The following CLSTN1 variants were observed in gnomAD, a reference collection of about 807,000 sequenced individuals.
The protein encoded by CLSTN1 is calsyntenin 1.
In CLSTN1, 28 loss-of-function variants were observed where a neutral mutation model predicts 108.3. The observed-to-expected ratio is 0.26, with a 90% CI of 0.19 to 0.35. The LOEUF (loss-of-function observed/expected upper bound fraction) is 0.35. Among genes scored for constraint, CLSTN1 ranks in the 10% least tolerant of loss-of-function variants. The probability of loss-of-function intolerance (pLI) is 1.00; values close to 1 mark genes in which losing one functional copy is unlikely to be tolerated. For missense variants in CLSTN1, 1,157 were observed against 1,302.6 expected (o/e 0.89, Z 1.72); for synonymous variants, 524 against 534.9 (o/e 0.98, Z 0.28).
intron 1 of CLSTN1, among the ~76,000 whole-genome samples, chr1:9,820,223 C>G (rs1206257667): frequency 1.3e-5 from 2 of 151,984 alleles, no homozygotes; most frequent in Non-Finnish European, 2.9e-5. Context: ...ATCGACACTG[C>G]AGAATTTAAG....
intron 15 of CLSTN1, 99 bp from the exon 16 acceptor site, chr1:9,733,645 G>GGTTAGCTAGGCCAAGGGGTCACACAA: frequency 2.1e-6 from 3 of 1,427,942 alleles, no homozygotes; most frequent in Non-Finnish European, 2.9e-6. Context: ...TAGACACCCA[G>GGTTAGCTAGGCCAAGGGGTCACACAA]GTTAGCTAGG....
intron 4 of CLSTN1, among the ~76,000 whole-genome samples, chr1:9,751,992 C>G (rs1449706150): frequency 6.6e-6 from 1 of 151,254 alleles, no homozygotes; most frequent in African/African-American, 2.4e-5. Context: ...CAATATGGGA[C>G]AAGACAGGCA....
rs537531199 is a variant in CLSTN1, at chr1:9,795,909, C to A, written c.92-22515G>T. Among the ~76,000 whole-genome samples, 10 of 149,906 alleles carry A rather than the reference C, an allele frequency of 6.7e-5. 2 individuals are homozygous for A. The highest frequency in any genetic ancestry group is 3.4e-3 in the Middle Eastern group (1 of 290). ...GGCTGAGGCTGCAGTGAGCGATGATCACACTACTGCACTCCAGCGTGAGCA... is the reference window on the plus strand; with the variant it reads ...GGCTGAGGCTGCAGTGAGCGATGATAACACTACTGCACTCCAGCGTGAGCA... On this transcript the variant is annotated intron_variant, in intron 1 of 18. Coordinates refer to ENST00000377298, the MANE Select transcript of CLSTN1 (RefSeq NM_001009566.3).
chr1:9,756,363 G>T, intron 3 of CLSTN1, 118 bp downstream of exon 3: 2 of 781,338 alleles, frequency 2.6e-6, no homozygotes, highest in Non-Finnish European at 2.2e-6. Flanking sequence ...CAAAGTAGGA[G>T]AATAAATAAG....
rs942776344 is a variant in CLSTN1, at chr1:9,739,711, C to A, written c.1519+1383G>T. ...ATTAAAATAATAACAATAATAAAAA[C>A]CTTGATCTGGTGGGTCTGAGTGTGG... On this transcript the variant is annotated intron_variant, in intron 10 of 18. Coordinates refer to ENST00000377298, the MANE Select transcript of CLSTN1 (RefSeq NM_001009566.3). Among the ~76,000 whole-genome samples the A allele has an allele frequency of 3.9e-5, 6 of 151,982 alleles. No individual in the cohort carries two copies. In the East Asian group the frequency reaches 1.2e-3, roughly 29 times the overall value.
chr1:9,785,469 ATTT>A (rs1404303430), intron 1 of CLSTN1, among the ~76,000 whole-genome samples: 1 of 152,180 alleles, frequency 6.6e-6, no homozygotes, highest in Non-Finnish European at 1.5e-5. Flanking sequence ...CTTAGACATT[ATTT>A]AGATCAGGGT....
chr1:9,745,621 T>C (rs992563244), intron 7 of CLSTN1, among the ~76,000 whole-genome samples: 2 of 151,502 alleles, frequency 1.3e-5, no homozygotes, highest in African/African-American at 4.9e-5. Context: ...TGTGCCACTA[T>C]ACTCCAGCCT....
At chr1:9,742,559 G>T (rs1651036987) in intron 9 of CLSTN1, among the ~76,000 whole-genome samples, 1 of 152,110 alleles carries the variant, frequency 6.6e-6, no homozygotes. Flanking sequence ...TACTATAACA[G>T]AACTGTAGCT....
intron 1 of CLSTN1, among the ~76,000 whole-genome samples, chr1:9,787,972 G>T (rs6666402): frequency 1.6e-4 from 24 of 151,476 alleles, no homozygotes; most frequent in Admixed American, 5.4e-4. Flanking sequence ...ATTTGACTAA[G>T]GGTCCGGCGT....
chr1:9,769,714 A>G (rs1301231811), intron 2 of CLSTN1, among the ~76,000 whole-genome samples: 2 of 152,138 alleles, frequency 1.3e-5, no homozygotes, highest in East Asian at 3.9e-4. Flanking sequence ...GGTTTTTGGA[A>G]CATTCTAAAA....
chr1:9,787,586 G>GT (rs1653556847), intron 1 of CLSTN1, among the ~76,000 whole-genome samples: 1 of 150,728 alleles, frequency 6.6e-6, no homozygotes, highest in African/African-American at 2.4e-5. Context: ...TGTGTTTTTA[G>GT]AGAGACGGGG....
At position 9,743,988 on chromosome 1, in the gene CLSTN1, A is replaced by G; in HGVS notation, c.1252T>C (p.Tyr418His). 1.9e-6 allele frequency: 3 copies of G among 1,614,160 alleles called. No homozygotes were observed. Among genetic ancestry groups the G allele is most frequent in the Non-Finnish European group, 2.5e-6 (3 of 1,179,992 alleles). Residue 418 changes from tyrosine to histidine, a missense_variant, in exon 9 of 19, where the codon TAC becomes CAC. Physicochemically the swap from Tyr to His is moderately conservative, Grantham distance 83. Coordinates refer to ENST00000377298, the MANE Select transcript of CLSTN1 (RefSeq NM_001009566.3). Reference protein sequence around the residue: ...SDKTDMNRHHYSLYVHGCRLI... With the variant: ...SDKTDMNRHHHSLYVHGCRLI... The stretch of plus-strand genomic sequence containing the variant: ...CGGCACCCGTGGACATAGAGGGAGT[A>G]GTGGTGCCGATTCATATCTGCAAAG...
chr1:9,741,074 C>T lies in CLSTN1; in HGVS notation c.1519+20G>A, dbSNP rs773608927. The T allele has an allele frequency of 1.6e-5, 25 of 1,606,600 alleles. No homozygotes were observed. The highest frequency in any genetic ancestry group is 1.9e-4 in the Middle Eastern group (1 of 5,248). On this transcript the variant is annotated intron_variant, in intron 10 of 18. Coordinates refer to ENST00000377298, the MANE Select transcript of CLSTN1 (RefSeq NM_001009566.3). The stretch of plus-strand genomic sequence containing the variant: ...TACAACTTAATTCTCGAGTCGAGGG[C>T]GGGGGGTAATGACAGGTACCTTGCC...
intron 1 of CLSTN1, among the ~76,000 whole-genome samples, chr1:9,776,540 C>T (rs531822206): frequency 1.3e-5 from 2 of 152,166 alleles, no homozygotes; most frequent in Admixed American, 1.3e-4. Context: ...AAAAAATCCA[C>T]ATACACACAA....
At chr1:9,740,523 G>A (rs1650925028) in intron 10 of CLSTN1, among the ~76,000 whole-genome samples, 1 of 152,216 alleles carries the variant, frequency 6.6e-6, no homozygotes, top group African/African-American at 2.4e-5. Flanking sequence ...CACACAGCCT[G>A]CCACTTGGTA....
chr1:9,775,284 CCTCTGACAAACTGAT>C (rs1056587420), intron 1 of CLSTN1, among the ~76,000 whole-genome samples: 3 of 151,850 alleles, frequency 2.0e-5, no homozygotes, highest in African/African-American at 7.3e-5. Context: ...GGTTCAAATG[CCTCTGACAAACTGAT>C]CTCAAGTTCC....
upstream of CLSTN1, chr1:9,824,191 G>T (rs1158313274): frequency 6.7e-6 from 1 of 149,178 alleles, no homozygotes; most frequent in African/African-American, 2.4e-5. The surrounding 1 kb of genome is among the most constrained non-coding windows in gnomAD (Gnocchi z 5.0). Flanking sequence ...GCGCGCCCGC[G>T]GGGACGCGCC....
At chr1:9,773,479 T>C (rs943706667) in intron 1 of CLSTN1, 85 bp from the exon 2 acceptor site, 1 of 1,378,010 alleles carries the variant, frequency 7.3e-7, no homozygotes, top group Non-Finnish European at 9.8e-7. Flanking sequence ...ACACCTGCTA[T>C]TAAAATAATA....
At chr1:9,740,773 A>C (rs1485830708) in intron 10 of CLSTN1, among the ~76,000 whole-genome samples, 1 of 152,082 alleles carries the variant, frequency 6.6e-6, no homozygotes, top group Non-Finnish European at 1.5e-5. Flanking sequence ...GTCCTTGTGA[A>C]CCTTTCAATA....
Sources: gnomAD v4.1 joint callset for allele counts (sites outside exome capture counted in the v4.1 genomes callset) on GRCh38, gnomAD v4.1.1 for gene constraint, Gnocchi (gnomAD v3.1) non-coding constraint, MANE v1.5 for transcripts, NCBI Gene and HGNC (gene_info 2026-07-23, HGNC 2026-07-21) for gene names.